SLC30A7: variants seen among roughly 807,000 people sequenced by gnomAD.
SLC30A7 encodes the protein solute carrier family 30 member 7.
SLC30A7 carries 35 observed loss-of-function variants against 46.0 expected under a neutral mutation model. That is an observed-to-expected ratio of 0.76 (90% CI 0.58 to 1.01). SLC30A7 has a LOEUF of 1.01. SLC30A7 is among the 50% of genes least tolerant of loss of function. The probability of loss-of-function intolerance (pLI) is 0.00; values close to 1 mark genes in which losing one functional copy is unlikely to be tolerated. For missense variants in SLC30A7, 464 were observed against 451.1 expected (o/e 1.03, Z -0.26); for synonymous variants, 147 against 157.8 (o/e 0.93, Z 0.51).
intron 8 of SLC30A7, among the ~76,000 whole-genome samples, chr1:100,933,237 G>C (rs1653768291): frequency 6.6e-6 from 1 of 151,900 alleles, no homozygotes; most frequent in Non-Finnish European, 1.5e-5. Context: ...GCCTCCCAAA[G>C]TGCTGGGATT....
At chr1:100,903,480 G>T (rs770224018) in intron 2 of SLC30A7, among the ~76,000 whole-genome samples, 3 of 151,984 alleles carry the variant, frequency 2.0e-5, no homozygotes, top group Non-Finnish European at 4.4e-5. Flanking sequence ...AAATCTAAGA[G>T]AATTGCATGA....
chr1:100,928,235 G>GTAGAAACTGTGCTGTAGGGAAGAAGTAC (rs1192252935), intron 8 of SLC30A7, among the ~76,000 whole-genome samples: 6 of 152,244 alleles, frequency 3.9e-5, no homozygotes, highest in Non-Finnish European at 8.8e-5. Flanking sequence ...GGAAGAAGTA[G>GTAGAAACTGTGCTGTAGGGAAGAAGTAC]TAGGAACTGT....
At chr1:100,965,692 A>T in intron 9 of SLC30A7, 77 bp from the exon 10 acceptor site, 1 of 1,165,394 alleles carries the variant, frequency 8.6e-7, no homozygotes, top group Non-Finnish European at 1.3e-6. Flanking sequence ...ATGTTTACTG[A>T]TATGTTGCAT....
chr1:100,959,598 A>G (rs1655426437), intron 8 of SLC30A7, among the ~76,000 whole-genome samples: 1 of 152,212 alleles, frequency 6.6e-6, no homozygotes, highest in African/African-American at 2.4e-5. Flanking sequence ...GTATCCTTCA[A>G]TTTCTTGCCA....
intron 9 of SLC30A7, among the ~76,000 whole-genome samples, chr1:100,963,078 G>A (rs981472296): frequency 6.6e-6 from 1 of 152,186 alleles, no homozygotes; most frequent in African/African-American, 2.4e-5. Context: ...ATACTTCTAG[G>A]AGAAATGTTA....
At chr1:100,982,017 C>G (rs1426207553), downstream of SLC30A7, among the ~76,000 whole-genome samples, 1 of 152,184 alleles carries the variant, frequency 6.6e-6, no homozygotes, top group African/African-American at 2.4e-5. Flanking sequence ...ATATTTCCAT[C>G]ACTCCCAAGT....
At chr1:100,929,152 T>C (rs558675652) in intron 8 of SLC30A7, among the ~76,000 whole-genome samples, 60 of 152,158 alleles carry the variant, frequency 3.9e-4, no homozygotes, top group Admixed American at 7.2e-4. Flanking sequence ...AGCATTCATA[T>C]ATATAGAGAA....
rs549901037 is a variant in SLC30A7 at position 100,945,468 on chromosome 1, G to C, written c.843-16360G>C. Among the ~76,000 whole-genome samples the C allele has an allele frequency of 2.0e-5, 3 of 152,168 alleles. No homozygotes were observed. In the South Asian group the frequency reaches 6.2e-4, roughly 32 times the overall value. On this transcript the variant is annotated intron_variant, in intron 8 of 10. Coordinates refer to ENST00000357650, the MANE Select transcript of SLC30A7 (RefSeq NM_133496.5). The stretch of plus-strand genomic sequence containing the variant: ...CATCTTGAATTAATTTTTGTATAAG[G>C]TGTAAGGAAAGGATCCAGTTTCAGC...
At chr1:100,963,253 T>C (rs1570588584) in intron 9 of SLC30A7, among the ~76,000 whole-genome samples, 1 of 152,130 alleles carries the variant, frequency 6.6e-6, no homozygotes. Context: ...AACTCTAAAT[T>C]TGGAGCATAG....
chr1:100,941,631 C>T (rs1654356372), intron 8 of SLC30A7: 3 of 596,918 alleles, frequency 5.0e-6, no homozygotes, highest in Non-Finnish European at 9.5e-6. Context: ...TTAATGCCAG[C>T]AACAAATATC....
intron 8 of SLC30A7, among the ~76,000 whole-genome samples, chr1:100,945,225 A>G (rs1425150555): frequency 6.6e-6 from 1 of 152,204 alleles, no homozygotes; most frequent in African/African-American, 2.4e-5. Context: ...ATTTTCTCCC[A>G]TTCTGTAGGT....
chr1:100,976,171 T>C lies in SLC30A7; in HGVS notation c.*1314T>C, dbSNP rs1362454925. The C allele has an allele frequency of 6.6e-6, 1 of 152,230 alleles. No homozygotes were observed. Among genetic ancestry groups the C allele is most frequent in the Non-Finnish European group, 1.5e-5 (1 of 68,036 alleles). 9.4% of individuals were successfully genotyped at this position (152,230 alleles called of 1,614,324 possible). On this transcript the variant is annotated 3_prime_UTR_variant, in exon 11 of 11. Transcript: ENST00000357650. Reference sequence around the variant, plus strand: ...ACTGTATCTGTGATAAACTTTCCTATATCTTTCCTTGCCATTTCTATGGAT... The same window carrying C: ...ACTGTATCTGTGATAAACTTTCCTACATCTTTCCTTGCCATTTCTATGGAT...
Position 100,978,032 on chromosome 1 carries a change from GTGTGAGCCAC to G in SLC30A7, c.*3176_*3185del, listed in dbSNP as rs1656655299. The G allele has an allele frequency of 6.6e-6, 1 of 152,294 alleles. No homozygotes were observed. Among genetic ancestry groups the G allele is most frequent in the African/African-American group, 2.4e-5 (1 of 41,448 alleles). 9.4% of individuals were successfully genotyped at this position (152,294 alleles called of 1,614,324 possible). On this transcript the variant is annotated 3_prime_UTR_variant, in exon 11 of 11. Transcript: ENST00000357650. ...GCCTCCCAAAGTGCTGAGACTACAG[GTGTGAGCCAC>G]CGTGCTCAGCCACTAGCTTTGGTTT...
At chr1:100,925,511 T>C (rs1251607438) in intron 8 of SLC30A7, among the ~76,000 whole-genome samples, 1 of 152,142 alleles carries the variant, frequency 6.6e-6, no homozygotes, top group Non-Finnish European at 1.5e-5. Flanking sequence ...TGGTCTTAGG[T>C]ACTAACCTTA....
intron 6 of SLC30A7, among the ~76,000 whole-genome samples, chr1:100,915,785 G>A (rs1652503689): frequency 6.6e-6 from 1 of 152,124 alleles, no homozygotes; most frequent in African/African-American, 2.4e-5. Flanking sequence ...AATTCTCATG[G>A]ATATATACCC....
chr1:100,943,922 A>G (rs1292172593), intron 8 of SLC30A7, among the ~76,000 whole-genome samples: 1 of 152,260 alleles, frequency 6.6e-6, no homozygotes, highest in Non-Finnish European at 1.5e-5. Context: ...AAGAAGAGAC[A>G]TGCATATAAT....
At chr1:100,995,160 TA>T in the SLC30A7 span, 1 of 1,548,504 alleles carries the variant, frequency 6.5e-7, no homozygotes. Flanking sequence ...CTGTAGGAAG[TA>T]AAAATAGTTC....
chr1:100,964,337 ATGTTATATATACATAT>A (rs1441581460), intron 9 of SLC30A7, among the ~76,000 whole-genome samples: 7 of 140,394 alleles, frequency 5.0e-5, no homozygotes, highest in African/African-American at 2.0e-4. Context: ...GTATGTATAT[ATGTTATATATACATAT>A]ACATATGTAT....
intron 8 of SLC30A7, among the ~76,000 whole-genome samples, chr1:100,946,585 G>A (rs755015818): frequency 7.9e-5 from 12 of 152,076 alleles, no homozygotes; most frequent in Admixed American, 2.6e-4. Context: ...GATGGATTAC[G>A]TTTATTGATT....
Sources: gnomAD v4.1 joint callset for allele counts (sites outside exome capture counted in the v4.1 genomes callset) on GRCh38, gnomAD v4.1.1 for gene constraint, MANE v1.5 for transcripts, NCBI Gene and HGNC (gene_info 2026-07-23, HGNC 2026-07-21) for gene names.